Variants in COL18A1 observed in about 807,000 individuals in gnomAD.
COL18A1 encodes collagen type XVIII alpha 1 chain, also known as collagen alpha-1(XVIII) chain.
Under a neutral mutation model 168.0 loss-of-function variants are expected in COL18A1, and 133 were observed. That is an observed-to-expected ratio of 0.79 (90% CI 0.69 to 0.91). The LOEUF (loss-of-function observed/expected upper bound fraction) is 0.91, where lower values mean the gene tolerates loss of function less well. Among genes scored for constraint, COL18A1 ranks in the 40% least tolerant of loss-of-function variants. COL18A1 has a pLI of 0.00. For missense variants in COL18A1, 2,126 were observed against 1,925.4 expected (o/e 1.10, Z -1.95); for synonymous variants, 949 against 809.0 (o/e 1.17, Z -2.94).
chr21:45,510,400 A>G, intron 40 of COL18A1, 139 bp downstream of exon 40: 1 of 997,304 alleles, frequency 1.0e-6, no homozygotes. Context: ...TGGCGACTTC[A>G]GGGCAGGCTC....
chr21:45,493,499 A>C lies in COL18A1; in HGVS notation c.2278-2A>C. 6.4e-7 allele frequency: 1 copy of C among 1,558,082 alleles called. No individual in the cohort carries two copies. The highest frequency in any genetic ancestry group is 8.7e-7 in the Non-Finnish European group (1 of 1,151,652). On this transcript the variant is annotated splice_acceptor_variant, in intron 25 of 41. Coordinates refer to ENST00000651438, the MANE Select transcript of COL18A1 (RefSeq NM_001379500.1). LOFTEE classifies it high-confidence loss of function. ...ACTCTGCTGGACCTCCTGCCATTCCAGGGTGAGAAGGGTGAACCGGGCAGC... is the reference window on the plus strand; with the variant it reads ...ACTCTGCTGGACCTCCTGCCATTCCCGGGTGAGAAGGGTGAACCGGGCAGC...
intron 38 of COL18A1, among the ~76,000 whole-genome samples, chr21:45,508,386 C>A (rs2037365109): frequency 8.3e-6 from 1 of 121,122 alleles, no homozygotes; most frequent in African/African-American, 3.5e-5. Flanking sequence ...GGATGGTGGG[C>A]AGATGGATGG....
chr21:45,479,103 C>T (rs1044236279), intron 9 of COL18A1, among the ~76,000 whole-genome samples: 8 of 152,234 alleles, frequency 5.3e-5, no homozygotes, highest in African/African-American at 1.7e-4. Flanking sequence ...TGATGATCCA[C>T]GGGGCCCACC....
intron 2 of COL18A1, among the ~76,000 whole-genome samples, chr21:45,437,433 TGCAC>T (rs1248393765): frequency 3.2e-5 from 2 of 61,734 alleles, no homozygotes; most frequent in Admixed American, 1.8e-4. Context: ...GGCACTCTCC[TGCAC>T]ACACACACTC....
At chr21:45,504,168 C>A (rs781583196) in intron 33 of COL18A1, 114 bp downstream of exon 33, 5 of 1,258,378 alleles carry the variant, frequency 4.0e-6, no homozygotes, top group East Asian at 2.3e-5. Flanking sequence ...TTCAGCCCTG[C>A]GAGGGGCGCT....
rs1370773496 is a variant in COL18A1 at position 45,471,937 on chromosome 21, C to G, written c.652-1958C>G. 6.6e-6 allele frequency among the ~76,000 whole-genome samples: 1 copy of G among 152,214 alleles called. No individual in the cohort carries two copies. Among genetic ancestry groups the G allele is most frequent in the Admixed American group, 6.5e-5 (1 of 15,286 alleles). ...GCTTTTGCACTAGCGCCTCCTGCCC[C>G]ACCCCCGGAGCCAGCGGCCACCACG... is the stretch of plus-strand genomic sequence containing the variant. On this transcript the variant is annotated intron_variant, in intron 3 of 41. Transcript: ENST00000651438. This position sits in a 1 kb window ranked among gnomAD's most constrained non-coding sequence, Gnocchi z 4.4.
chr21:45,510,231 C>G lies in COL18A1; in HGVS notation c.3663C>G (p.Asp1221Glu), dbSNP rs748425476. 7 of 1,606,414 alleles carry G rather than the reference C, an allele frequency of 4.4e-6. No individual in the cohort carries two copies. The highest frequency in any genetic ancestry group is 5.9e-6 in the Non-Finnish European group (7 of 1,177,152). The change falls in exon 40 of 42, where the codon GAC becomes GAG. Residue 1221 changes from aspartate to glutamate, a missense_variant. Asp to Glu is a conservative substitution (Grantham distance 45). Coordinates refer to ENST00000651438, the MANE Select transcript of COL18A1 (RefSeq NM_001379500.1). ...QDLYSIVRRA[D>E]RAAVPIVNLK... The stretch of plus-strand genomic sequence containing the variant: ...TGTACAGCATCGTGCGCCGTGCCGA[C>G]CGCGCAGCCGTGCCCATCGTCAACC...
chr21:45,437,154 TCAGACACAGGCACTCTCCTGCA>T (rs1569287266), intron 2 of COL18A1, among the ~76,000 whole-genome samples: 29 of 73,830 alleles, frequency 3.9e-4, no homozygotes, highest in African/African-American at 2.0e-3. Flanking sequence ...ACACTCACAC[TCAGACACAGGCACTCTCCTGCA>T]CACACACTCA....
chr21:45,421,465 G>A (rs770917735), intron 2 of COL18A1: 2 of 534,518 alleles, frequency 3.7e-6, no homozygotes, highest in African/African-American at 1.9e-5. Context: ...TGGCGTCTCA[G>A]GAGCGGAGCA....
Position 45,493,581 on chromosome 21 carries a change from G to A in COL18A1, c.2352+6G>A, listed in dbSNP as rs1463771289. 1 of 1,550,128 alleles carries A rather than the reference G, an allele frequency of 6.5e-7. No homozygotes were observed. The highest frequency in any genetic ancestry group is 2.0e-5 in the Admixed American group (1 of 51,120). On this transcript the variant is annotated splice_donor_region_variant and intron_variant, in intron 26 of 41. Transcript: ENST00000651438. ...CTGCCCAGAAAGGAGCCAAGGTGAGGGCCGGGCAGCCTCCTTCCGGCAGGC... is the reference window on the plus strand; with the variant it reads ...CTGCCCAGAAAGGAGCCAAGGTGAGAGCCGGGCAGCCTCCTTCCGGCAGGC...
At chr21:45,491,923 G>T (rs1029858159) in intron 22 of COL18A1, among the ~76,000 whole-genome samples, 1 of 141,296 alleles carries the variant, frequency 7.1e-6, no homozygotes, top group African/African-American at 2.9e-5. Flanking sequence ...TGTGGCCAGG[G>T]GTTCAGATCC....
chr21:45,495,012 A>G (rs1455814742), intron 28 of COL18A1, 97 bp downstream of exon 28: 1 of 1,080,010 alleles, frequency 9.3e-7, no homozygotes, highest in African/African-American at 1.6e-5. Flanking sequence ...AGGGGAGTGG[A>G]CGGCCGCCGC....
chr21:45,430,003 G>A (rs78672435), intron 2 of COL18A1, among the ~76,000 whole-genome samples: 6,623 of 148,414 alleles, frequency 0.045, 249 homozygotes, highest in East Asian at 0.19. Flanking sequence ...TCTGTGAAGC[G>A]GGGTCATGGT....
chr21:45,503,969 A>C, intron 32 of COL18A1, 42 bp from the exon 33 acceptor site: 2 of 1,612,176 alleles, frequency 1.2e-6, no homozygotes, highest in Non-Finnish European at 1.7e-6. Context: ...CGGCGCTGTC[A>C]GACACCACCT....
intron 32 of COL18A1, among the ~76,000 whole-genome samples, chr21:45,500,418 G>A (rs1405965731): frequency 7.2e-6 from 1 of 138,734 alleles, no homozygotes; most frequent in Admixed American, 7.2e-5. Flanking sequence ...TGGGTGTGTG[G>A]TGTGGGGTGT....
At chr21:45,433,270 G>A (rs879777558) in intron 2 of COL18A1, among the ~76,000 whole-genome samples, 3 of 152,154 alleles carry the variant, frequency 2.0e-5, no homozygotes, top group South Asian at 2.1e-4. Flanking sequence ...TTCCACTTAC[G>A]GCTCTTAAAA....
intron 2 of COL18A1, among the ~76,000 whole-genome samples, chr21:45,448,518 C>T (rs1033528893): frequency 5.9e-5 from 9 of 152,242 alleles, no homozygotes; most frequent in South Asian, 4.1e-4. Flanking sequence ...TCCACACATC[C>T]GTGTACACGC....
chr21:45,496,146 C>T (rs1273735124), intron 29 of COL18A1: 4 of 413,520 alleles, frequency 9.7e-6, no homozygotes, highest in Admixed American at 3.3e-5. Flanking sequence ...TTCTCCCGCT[C>T]AGCCCAAAGG....
At chr21:45,465,911 C>T (rs965264490) in intron 2 of COL18A1, among the ~76,000 whole-genome samples, 1 of 152,048 alleles carries the variant, frequency 6.6e-6, no homozygotes, top group Non-Finnish European at 1.5e-5. Flanking sequence ...GTGTGGCCCT[C>T]GAGGACTGGC....
Sources: gnomAD v4.1 joint callset for allele counts (sites outside exome capture counted in the v4.1 genomes callset) on GRCh38, gnomAD v4.1.1 for gene constraint, Gnocchi (gnomAD v3.1) non-coding constraint, MANE v1.5 for transcripts, NCBI Gene and HGNC (gene_info 2026-07-23, HGNC 2026-07-21) for gene names.